Variants in GRM8 observed in about 807,000 individuals in gnomAD.
GRM8 encodes metabotropic glutamate receptor 8.
GRM8 carries 47 observed loss-of-function variants against 87.2 expected under a neutral mutation model. The observed-to-expected ratio is 0.54, with a 90% confidence interval of 0.43 to 0.69. GRM8 has a LOEUF of 0.69. Among genes scored for constraint, GRM8 ranks in the 30% least tolerant of loss-of-function variants. GRM8 has a pLI of 0.00. For missense variants in GRM8, 1,019 were observed against 1,139.2 expected (o/e 0.89, Z 1.52); for synonymous variants, 396 against 404.5 (o/e 0.98, Z 0.25).
chr7:126,775,566 T>A (rs1819377878), intron 6 of GRM8, among the ~76,000 whole-genome samples: 1 of 133,202 alleles, frequency 7.5e-6, no homozygotes, highest in Non-Finnish European at 1.5e-5. Flanking sequence ...AAGGTAGAAA[T>A]ACAAGCATGT....
chr7:126,821,536 T>C (rs981440001), intron 6 of GRM8, among the ~76,000 whole-genome samples: 1 of 152,230 alleles, frequency 6.6e-6, no homozygotes, highest in Non-Finnish European at 1.5e-5. Context: ...GATAACCTCT[T>C]GGAAAACATC....
At chr7:126,731,075 C>G (rs1813531328) in intron 7 of GRM8, among the ~76,000 whole-genome samples, 1 of 152,030 alleles carries the variant, frequency 6.6e-6, no homozygotes, top group South Asian at 2.1e-4. Flanking sequence ...AGAATGAAGA[C>G]TTTAGATGAA....
intron 7 of GRM8, among the ~76,000 whole-genome samples, chr7:126,681,780 G>T (rs945131372): frequency 2.0e-5 from 3 of 152,200 alleles, no homozygotes; most frequent in African/African-American, 4.8e-5. Flanking sequence ...TAGCTTCAAT[G>T]ATCTCACCTT....
chr7:126,558,961 C>T (rs909158689), intron 8 of GRM8, among the ~76,000 whole-genome samples: 2 of 152,096 alleles, frequency 1.3e-5, no homozygotes, highest in Non-Finnish European at 2.9e-5. Flanking sequence ...GGAGCAATAG[C>T]AGCTACAATT....
At chr7:126,917,373 C>CCACACA (rs71312846) in intron 3 of GRM8, among the ~76,000 whole-genome samples, 9 of 148,166 alleles carry the variant, frequency 6.1e-5, no homozygotes, top group South Asian at 2.1e-4. Context: ...CCTCCTCCAA[C>CCACACA]CACACACACA....
intron 3 of GRM8, among the ~76,000 whole-genome samples, chr7:127,070,530 A>C: frequency 6.6e-6 from 1 of 152,040 alleles, no homozygotes; most frequent in African/African-American, 2.4e-5. Context: ...CTCTTCCTAA[A>C]CCTTGTCCAA....
chr7:126,577,564 CA>C (rs34381080), intron 8 of GRM8, among the ~76,000 whole-genome samples: 46,591 of 146,744 alleles, frequency 0.32, 7,977 homozygotes, highest in East Asian at 0.44. Context: ...TGATTTACTC[CA>C]AAAAAAAAAA....
At chr7:126,551,676 C>A in intron 8 of GRM8, among the ~76,000 whole-genome samples, 1 of 139,888 alleles carries the variant, frequency 7.1e-6, no homozygotes, top group East Asian at 2.2e-4. Context: ...GTATTGGCAA[C>A]CATACGTAAT....
chr7:126,472,766 A>ATGGTTTCC (rs1262137073), intron 9 of GRM8, among the ~76,000 whole-genome samples: 1 of 152,070 alleles, frequency 6.6e-6, no homozygotes, highest in East Asian at 1.9e-4. Flanking sequence ...GGGTGGAAAA[A>ATGGTTTCC]TGGTTTCCTG....
intron 1 of GRM8, among the ~76,000 whole-genome samples, chr7:127,247,101 C>A (rs4141414): frequency 0.26 from 39,028 of 152,162 alleles, 5,515 homozygotes; most frequent in Middle Eastern, 0.4. Context: ...TGGAAGAACA[C>A]TAACATATTA....
chr7:126,459,700 C>T (rs939832287), intron 9 of GRM8, among the ~76,000 whole-genome samples: 4 of 151,466 alleles, frequency 2.6e-5, no homozygotes, highest in Admixed American at 2.6e-4. Flanking sequence ...GCTCCACTCA[C>T]CCCTTATCCC....
intron 7 of GRM8, among the ~76,000 whole-genome samples, chr7:126,643,306 AAAAAAAAAAAAAAATATATATATATATAT>A (rs1261223892): frequency 2.5e-3 from 85 of 33,742 alleles, no homozygotes; most frequent in African/African-American, 7.3e-3. Flanking sequence ...AAAAAAAAAA[AAAAAAAAAAAAAAATATATATATATATAT>A]ATATATATAT....
At chr7:127,049,144 T>A (rs1362840196) in intron 3 of GRM8, among the ~76,000 whole-genome samples, 1 of 152,162 alleles carries the variant, frequency 6.6e-6, no homozygotes, top group Non-Finnish European at 1.5e-5. Flanking sequence ...CATGTTCAAA[T>A]CTCATCTTGC....
chr7:126,500,487 T>C (rs1809477391), intron 9 of GRM8, among the ~76,000 whole-genome samples: 1 of 151,944 alleles, frequency 6.6e-6, no homozygotes, highest in Admixed American at 6.6e-5. Flanking sequence ...AAGGGTTTCA[T>C]GTACCTCCCC....
rs769171605 is a variant in GRM8, at chr7:127,173,639, G to A, written c.511-66927C>T. On this transcript the variant is annotated intron_variant, in intron 2 of 10. Transcript: ENST00000339582. ...CATGATGTTTAAAACAGTGGCCTTAGTATAAGTGGGTTGACTACCTTAAAA... is the reference window on the plus strand; with the variant it reads ...CATGATGTTTAAAACAGTGGCCTTAATATAAGTGGGTTGACTACCTTAAAA... Among the ~76,000 whole-genome samples, 4 of 152,156 alleles carry A rather than the reference G, an allele frequency of 2.6e-5. No individual in the cohort carries two copies. In the East Asian group the frequency reaches 5.8e-4, roughly 22 times the overall value.
At position 126,878,612 on chromosome 7, in the gene GRM8, C is replaced by T. The variant is rs187540848; in HGVS notation, c.1156+23930G>A. ...TCAGCTCACTGCAACCTCCACTTCC[C>T]GGGTTCAAGCGATTCTCCAGCCTCA... On this transcript the variant is annotated intron_variant, in intron 6 of 10. Transcript: ENST00000339582. Among the ~76,000 whole-genome samples, 17 of 151,574 alleles carry T rather than the reference C, an allele frequency of 1.1e-4. No homozygotes were observed. In the East Asian group the frequency reaches 1.4e-3, roughly 12 times the overall value.
intron 6 of GRM8, among the ~76,000 whole-genome samples, chr7:126,794,516 T>C (rs1821747042): frequency 6.6e-6 from 1 of 152,176 alleles, no homozygotes. Context: ...CATATTGATT[T>C]TTCTTCCGAA....
rs545848213 is a variant in GRM8 at position 126,998,247 on chromosome 7, T to C, written c.728-93564A>G. Reference sequence around the variant, plus strand: ...GATTAAAACCCTCAAGAACTGTATATAGAAAGAACATACCTCAACAGAGTA... The same window carrying C: ...GATTAAAACCCTCAAGAACTGTATACAGAAAGAACATACCTCAACAGAGTA... On this transcript the variant is annotated intron_variant, in intron 3 of 10. Transcript: ENST00000339582. Among the ~76,000 whole-genome samples, 178 of 151,964 alleles carry C rather than the reference T, an allele frequency of 1.2e-3. 2 individuals carry two copies. The highest frequency in any genetic ancestry group is 3.8e-3 in the African/African-American group (159 of 41,518).
At chr7:126,526,746 C>T (rs1336906361) in intron 9 of GRM8, among the ~76,000 whole-genome samples, 1 of 152,092 alleles carries the variant, frequency 6.6e-6, no homozygotes, top group Non-Finnish European at 1.5e-5. Flanking sequence ...AAAACAAAAA[C>T]AAAAACTTAT....
Sources: gnomAD v4.1 joint callset for allele counts (sites outside exome capture counted in the v4.1 genomes callset) on GRCh38, gnomAD v4.1.1 for gene constraint, MANE v1.5 for transcripts, NCBI Gene and HGNC (gene_info 2026-07-23, HGNC 2026-07-21) for gene names.